Variants in PEPD observed in about 807,000 individuals in gnomAD.
The protein encoded by PEPD is peptidase D.
PEPD carries 53 observed loss-of-function variants against 60.7 expected under a neutral mutation model. The observed-to-expected ratio is 0.87, with a 90% confidence interval of 0.70 to 1.10. The LOEUF (loss-of-function observed/expected upper bound fraction) is 1.10. Ranked by LOEUF, PEPD falls within the 50% of genes least tolerant of loss-of-function variation. The pLI is 0.00. For missense variants in PEPD, 711 were observed against 711.9 expected, an observed-to-expected ratio of 1.00 and a Z score of 0.01; for synonymous variants, 267 against 284.1, an observed-to-expected ratio of 0.94 and a Z score of 0.60.
At chr19:33,415,478 C>A (rs188766750) in intron 9 of PEPD, among the ~76,000 whole-genome samples, 48 of 152,248 alleles carry the variant, frequency 3.2e-4, no homozygotes, top group African/African-American at 1.1e-3. Flanking sequence ...TCAAGACCAG[C>A]CTGGGCAACA....
At chr19:33,501,609 G>A (rs920721014) in intron 3 of PEPD, among the ~76,000 whole-genome samples, 23 of 152,032 alleles carry the variant, frequency 1.5e-4, no homozygotes, top group Non-Finnish European at 2.2e-4. Context: ...CCCAGGAGGC[G>A]GAGGTTGCAG....
chr19:33,445,946 A>G (rs1298478817), intron 9 of PEPD, among the ~76,000 whole-genome samples: 1 of 152,172 alleles, frequency 6.6e-6, no homozygotes, highest in Non-Finnish European at 1.5e-5. Flanking sequence ...GGCAGAAGAG[A>G]GAAATCCACG....
rs762098682 is a variant in PEPD, at chr19:33,462,975, G to A, written c.671+20C>T. On this transcript the variant is annotated intron_variant, in intron 9 of 14. Coordinates refer to ENST00000244137, the MANE Select transcript of PEPD (RefSeq NM_000285.4). ...TGTTTTTTACCTTTTAATTTTACCC[G>A]GAGAAACATGGTGGCTTACCTTTCC... The A allele has an allele frequency of 3.6e-5, 55 of 1,533,792 alleles. 1 individual carries two copies. The highest frequency in any genetic ancestry group is 1.7e-4 in the Middle Eastern group (1 of 5,950).
In PEPD at chr19:33,388,027, G is replaced by GGTGCC; in HGVS notation, c.1202_1206dup (p.Leu403GlyfsTer57). 1 of 1,566,392 alleles carries GGTGCC rather than the reference G, an allele frequency of 6.4e-7. No homozygotes were observed. Among genetic ancestry groups the GGTGCC allele is most frequent in the Non-Finnish European group, 8.7e-7 (1 of 1,155,904 alleles). The stretch of plus-strand genomic sequence containing the variant: ...ACGGTGAGCACCATGCCTGGCTGCA[G>GGTGCC]GTGCCGTGCAGTGCGCAGGCTCCGC... On this transcript the variant is annotated frameshift_variant, in exon 14 of 15. Coordinates refer to ENST00000244137, the MANE Select transcript of PEPD (RefSeq NM_000285.4). LOFTEE classifies it high-confidence loss of function.
chr19:33,517,840 AC>A (rs919209182), intron 1 of PEPD, among the ~76,000 whole-genome samples: 5 of 150,932 alleles, frequency 3.3e-5, no homozygotes, highest in African/African-American at 9.8e-5. Context: ...GGTAGTGGGC[AC>A]CTGTAATCCC....
At chr19:33,517,575 AAAAAAC>A (rs1451807223) in intron 1 of PEPD, among the ~76,000 whole-genome samples, 78 of 151,854 alleles carry the variant, frequency 5.1e-4, no homozygotes, top group Non-Finnish European at 8.4e-4. Flanking sequence ...AACAAAAAAC[AAAAAAC>A]AAAAAAAAAC....
intron 5 of PEPD, among the ~76,000 whole-genome samples, chr19:33,491,608 G>A (rs992431588): frequency 2.0e-5 from 3 of 152,144 alleles, no homozygotes; most frequent in Non-Finnish European, 2.9e-5. Context: ...TTTATAACCT[G>A]GCGTGTCCAC....
intron 11 of PEPD, among the ~76,000 whole-genome samples, chr19:33,411,201 G>GA (rs1455189507): frequency 2.4e-4 from 37 of 152,310 alleles, no homozygotes; most frequent in African/African-American, 8.9e-4. Flanking sequence ...GCTGAACGCA[G>GA]GGCCGCAGAG....
chr19:33,457,044 G>A (rs931253778), intron 9 of PEPD, among the ~76,000 whole-genome samples: 6 of 149,988 alleles, frequency 4.0e-5, no homozygotes, highest in African/African-American at 9.9e-5. Context: ...ACACAGCCTC[G>A]TGTAGCCCCA....
In PEPD at chr19:33,387,453, G is replaced by A. The variant is rs756525693; in HGVS notation, c.1373C>T (p.Thr458Ile). The change falls in exon 15 of 15, where the codon ACT becomes ATT. Residue 458 changes from threonine (T) to isoleucine (I), a missense_variant. Physicochemically the swap from Thr to Ile is moderately conservative, Grantham distance 89 (BLOSUM62 -1). Coordinates refer to ENST00000244137, the MANE Select transcript of PEPD (RefSeq NM_000285.4). ...GGTCAGCAGCTCTATGCCGCTGTCA[G>A]TCACCACGACGTCCTCCTCGATGCG... is the stretch of plus-strand genomic sequence containing the variant. The part of the protein sequence containing the change: ...GVRIEEDVVV[T>I]DSGIELLTCV... 7 of 1,613,790 alleles carry A rather than the reference G, an allele frequency of 4.3e-6. No homozygotes were observed. The Admixed American group carries it at 1.0e-4, about 23-fold the overall frequency.
At chr19:33,422,953 C>T (rs1419763990) in intron 9 of PEPD, among the ~76,000 whole-genome samples, 1 of 152,098 alleles carries the variant, frequency 6.6e-6, no homozygotes, top group Non-Finnish European at 1.5e-5. Flanking sequence ...ACTCTATCTA[C>T]TCATCCAATA....
intron 11 of PEPD, among the ~76,000 whole-genome samples, chr19:33,402,296 G>C (rs1032065532): frequency 6.6e-5 from 10 of 152,210 alleles, no homozygotes; most frequent in African/African-American, 2.4e-4. Flanking sequence ...GGCTCTCCCA[G>C]GTCTCCCTGC....
intron 13 of PEPD, among the ~76,000 whole-genome samples, chr19:33,389,919 G>C (rs150436378): frequency 6.6e-6 from 1 of 152,258 alleles, no homozygotes; most frequent in Non-Finnish European, 1.5e-5. Context: ...GGGCTGGGCC[G>C]GGTGGAGCGC....
At chr19:33,388,122 G>A in intron 13 of PEPD, 41 bp from the exon 14 acceptor site, 1 of 1,502,932 alleles carries the variant, frequency 6.7e-7, no homozygotes, top group Non-Finnish European at 9.0e-7. Flanking sequence ...AGCAGCTCCA[G>A]GGCTCACCGT....
At position 33,493,249 on chromosome 19, in the gene PEPD, A is replaced by G. The variant is rs373153246; in HGVS notation, c.441+41T>C. 354 of 1,486,492 alleles carry G rather than the reference A, an allele frequency of 2.4e-4. No homozygotes were observed. The African/African-American group carries it at 4.6e-3, about 19-fold the overall frequency. The allele number at this position is 1,486,492 out of a possible 1,614,324, so 92.1% of individuals were successfully genotyped here. On this transcript the variant is annotated intron_variant, in intron 5 of 14. Coordinates refer to ENST00000244137, the MANE Select transcript of PEPD (RefSeq NM_000285.4). ...GGTGGCCCCCATAAAAACCCTCCCC[A>G]GAGCCAAGCACTGCCCCACCCCTGG...
At chr19:33,499,022 C>T (rs1304013396) in intron 4 of PEPD, among the ~76,000 whole-genome samples, 1 of 152,094 alleles carries the variant, frequency 6.6e-6, no homozygotes, top group Admixed American at 6.6e-5. Context: ...AACACATCTG[C>T]CAAGGAGAGG....
At position 33,489,995 on chromosome 19, in the gene PEPD, C is replaced by G; in HGVS notation, c.503+1G>C. 14 of 1,599,580 alleles carry G rather than the reference C, an allele frequency of 8.8e-6. No homozygotes were observed. Among genetic ancestry groups the G allele is most frequent in the Non-Finnish European group, 1.2e-5 (14 of 1,169,612 alleles). On this transcript the variant is annotated splice_donor_variant, in intron 6 of 14. Transcript: ENST00000244137. LOFTEE classifies it high-confidence loss of function. ...AGAGTCCCTGGGGGCCCAGGACTCA[C>G]TTGCTGATGCCGTCAAAGGAGGCCT...
At chr19:33,396,847 C>T (rs571670870) in intron 12 of PEPD, among the ~76,000 whole-genome samples, 1 of 152,236 alleles carries the variant, frequency 6.6e-6, no homozygotes, top group Admixed American at 6.5e-5. Flanking sequence ...GGGACTGAGC[C>T]CGCGGGACAG....
chr19:33,509,298 G>A (rs1046618580), intron 3 of PEPD, among the ~76,000 whole-genome samples: 1 of 152,160 alleles, frequency 6.6e-6, no homozygotes, highest in African/African-American at 2.4e-5. Context: ...CCCAGGGGCC[G>A]AGCCAGGAGA....
Sources: allele counts gnomAD v4.1 joint callset (sites outside exome capture counted in the v4.1 genomes callset), GRCh38; gene constraint gnomAD v4.1.1; transcripts MANE v1.5; gene names NCBI Gene and HGNC (gene_info 2026-07-23, HGNC 2026-07-21).